The following SLC9A9 variants were observed in gnomAD, a reference collection of about 807,000 sequenced individuals.
The protein encoded by SLC9A9 is sodium/hydrogen exchanger 9.
SLC9A9 carries 62 observed loss-of-function variants against 77.8 expected under a neutral mutation model. The observed-to-expected ratio is 0.80, with a 90% CI of 0.65 to 0.98. SLC9A9 has a LOEUF of 0.98. SLC9A9 is among the 50% of genes least tolerant of loss of function. The probability of loss-of-function intolerance (pLI) is 0.00; values close to 1 mark genes in which losing one functional copy is unlikely to be tolerated. For synonymous variants in SLC9A9, 320 were observed against 283.5 expected (o/e 1.13, Z -1.29); for missense variants, 775 against 774.9 (o/e 1.00, Z 0.00).
intron 9 of SLC9A9, among the ~76,000 whole-genome samples, chr3:143,531,228 T>C (rs1371924): frequency 0.2 from 30,774 of 152,174 alleles, 3,136 homozygotes; most frequent in Non-Finnish European, 0.22. Context: ...CTTGAGCATT[T>C]TGGCCTTACT....
chr3:143,565,558 T>C (rs1414598089), intron 8 of SLC9A9, among the ~76,000 whole-genome samples: 2 of 152,160 alleles, frequency 1.3e-5, no homozygotes, highest in Non-Finnish European at 2.9e-5. Context: ...GTTAATGAGT[T>C]ATTATGCGAG....
At chr3:143,271,608 T>A (rs556282989) in intron 14 of SLC9A9, among the ~76,000 whole-genome samples, 66 of 152,340 alleles carry the variant, frequency 4.3e-4, no homozygotes, top group African/African-American at 1.6e-3. Context: ...AGCACCCAGA[T>A]TCATGGACTA....
At chr3:143,456,763 C>G (rs1302334044) in intron 12 of SLC9A9, among the ~76,000 whole-genome samples, 1 of 152,002 alleles carries the variant, frequency 6.6e-6, no homozygotes, top group African/African-American at 2.4e-5. Flanking sequence ...CGGAGTTTCA[C>G]CATCTTGGCC....
chr3:143,665,819 C>G (rs4431608), intron 5 of SLC9A9, among the ~76,000 whole-genome samples: 3,902 of 152,254 alleles, frequency 0.026, 90 homozygotes, highest in Non-Finnish European at 0.041. Flanking sequence ...ATAACAGGCT[C>G]TAAAATTGAG....
intron 4 of SLC9A9, among the ~76,000 whole-genome samples, chr3:143,709,766 T>C (rs1011727568): frequency 9.2e-5 from 14 of 152,114 alleles, no homozygotes; most frequent in Admixed American, 4.6e-4. Context: ...TGACTCCAAT[T>C]TGAAGCTCCT....
intron 6 of SLC9A9, among the ~76,000 whole-genome samples, chr3:143,596,816 C>A (rs753921424): frequency 6.6e-6 from 1 of 152,156 alleles, no homozygotes; most frequent in Non-Finnish European, 1.5e-5. Context: ...GTGTGCATCA[C>A]CACACCTAGC....
At chr3:143,711,569 T>TA (rs1161275488) in intron 4 of SLC9A9, among the ~76,000 whole-genome samples, 117 of 139,076 alleles carry the variant, frequency 8.4e-4, no homozygotes, top group East Asian at 5.4e-3. Flanking sequence ...CTGGCTAATT[T>TA]AAAAAAAAAA....
chr3:143,662,295 G>C (rs1054448503), intron 5 of SLC9A9, among the ~76,000 whole-genome samples: 1 of 152,216 alleles, frequency 6.6e-6, no homozygotes, highest in Non-Finnish European at 1.5e-5. Context: ...AAGTTCAGTT[G>C]CAGATAAAAT....
intron 5 of SLC9A9, among the ~76,000 whole-genome samples, chr3:143,652,778 TACACAC>T (rs369670861): frequency 4.4e-3 from 363 of 82,430 alleles, no homozygotes; most frequent in Middle Eastern, 6.8e-3. Flanking sequence ...ATTCCTTAAA[TACACAC>T]ACACACACAC....
intron 8 of SLC9A9, among the ~76,000 whole-genome samples, chr3:143,556,025 C>CCAAA (rs2036973873): frequency 6.6e-6 from 1 of 152,154 alleles, no homozygotes; most frequent in Non-Finnish European, 1.5e-5. Flanking sequence ...CTTTTACAAG[C>CCAAA]CAAACACATT....
At chr3:143,505,823 A>C (rs2036005601) in intron 9 of SLC9A9, among the ~76,000 whole-genome samples, 1 of 152,204 alleles carries the variant, frequency 6.6e-6, no homozygotes, top group South Asian at 2.1e-4. Flanking sequence ...CATTAAACTG[A>C]ATAAATACTG....
intron 6 of SLC9A9, among the ~76,000 whole-genome samples, chr3:143,644,764 C>T (rs1198914328): frequency 6.8e-6 from 1 of 146,240 alleles, no homozygotes; most frequent in Non-Finnish European, 1.5e-5. Context: ...ACAGCCATAA[C>T]TTTTTTTTTT....
intron 13 of SLC9A9, among the ~76,000 whole-genome samples, chr3:143,377,943 T>A (rs2033218330): frequency 2.0e-5 from 3 of 152,162 alleles, no homozygotes; most frequent in Admixed American, 2.0e-4. Context: ...CCACTGTGAC[T>A]CCAATGCCTC....
chr3:143,535,249 TAA>T (rs2036573921), intron 9 of SLC9A9, among the ~76,000 whole-genome samples: 1 of 152,176 alleles, frequency 6.6e-6, no homozygotes, highest in Non-Finnish European at 1.5e-5. Flanking sequence ...GAGCAAGTCT[TAA>T]AGACAGGTTA....
intron 12 of SLC9A9, among the ~76,000 whole-genome samples, chr3:143,393,263 G>C (rs1472970898): frequency 6.6e-6 from 1 of 152,172 alleles, no homozygotes; most frequent in Non-Finnish European, 1.5e-5. Flanking sequence ...TTTGACCACA[G>C]TGCAATCAAA....
intron 6 of SLC9A9, among the ~76,000 whole-genome samples, chr3:143,622,514 T>C (rs2038235726): frequency 6.6e-6 from 1 of 152,152 alleles, no homozygotes; most frequent in Non-Finnish European, 1.5e-5. Flanking sequence ...CCAGCCAAAC[T>C]AAGCTTCATA....
intron 12 of SLC9A9, among the ~76,000 whole-genome samples, chr3:143,425,186 G>A (rs552458985): frequency 4.5e-4 from 68 of 151,888 alleles, no homozygotes; most frequent in African/African-American, 1.6e-3. Flanking sequence ...AATAAATGGA[G>A]GAAGTTTAAA....
intron 14 of SLC9A9, among the ~76,000 whole-genome samples, chr3:143,291,469 C>T (rs1272319114): frequency 6.6e-6 from 1 of 152,202 alleles, no homozygotes; most frequent in Non-Finnish European, 1.5e-5. Context: ...TCACTCTACC[C>T]ACTTGTGAGG....
intron 11 of SLC9A9, among the ~76,000 whole-genome samples, chr3:143,487,700 T>C (rs910008798): frequency 2.0e-5 from 3 of 151,652 alleles, no homozygotes; most frequent in Admixed American, 2.0e-4. Flanking sequence ...AAGAGGTGAA[T>C]GATAAGAAAA....
Sources: gnomAD v4.1 joint callset for allele counts (sites outside exome capture counted in the v4.1 genomes callset) on GRCh38, gnomAD v4.1.1 for gene constraint, MANE v1.5 for transcripts, NCBI Gene and HGNC (gene_info 2026-07-23, HGNC 2026-07-21) for gene names.